SENP7: variants seen among roughly 807,000 people sequenced by gnomAD.
SENP7 encodes sentrin-specific protease 7.
In SENP7, 64 loss-of-function variants were observed where a neutral mutation model predicts 141.2. The ratio of observed to expected loss-of-function variants is 0.45; its 90% confidence interval spans 0.37 to 0.56. The LOEUF is 0.56. Among genes scored for constraint, SENP7 ranks in the 20% least tolerant of loss-of-function variants. SENP7 has a pLI of 0.00. For missense variants in SENP7, 1,025 were observed against 1,212.2 expected (o/e 0.85, Z 2.29); for synonymous variants, 382 against 426.4 (o/e 0.90, Z 1.28).
intron 4 of SENP7, among the ~76,000 whole-genome samples, chr3:101,425,970 G>GA (rs1221694580): frequency 6.6e-6 from 1 of 152,142 alleles, no homozygotes; most frequent in Non-Finnish European, 1.5e-5. Context: ...AAAAAAGAAT[G>GA]AAAAGAAACA....
At chr3:101,326,630 A>T (rs1004956219) in intron 23 of SENP7, among the ~76,000 whole-genome samples, 9 of 152,186 alleles carry the variant, frequency 5.9e-5, no homozygotes, top group African/African-American at 2.2e-4. Flanking sequence ...TTCATCTTTA[A>T]TACTGCTACA....
At chr3:101,505,205 G>A (rs1170919811) in intron 1 of SENP7, among the ~76,000 whole-genome samples, 1 of 152,178 alleles carries the variant, frequency 6.6e-6, no homozygotes, top group Admixed American at 6.5e-5. Context: ...AAGGCTAGGA[G>A]CAGTGCAGTG....
At chr3:101,453,593 AT>A (rs1379384179) in intron 4 of SENP7, among the ~76,000 whole-genome samples, 2 of 151,922 alleles carry the variant, frequency 1.3e-5, no homozygotes, top group East Asian at 3.9e-4. Flanking sequence ...GGAAACCATC[AT>A]TCTCAGTAAA....
intron 1 of SENP7, among the ~76,000 whole-genome samples, chr3:101,509,785 T>C (rs533360314): frequency 6.6e-6 from 1 of 152,360 alleles, no homozygotes; most frequent in South Asian, 2.1e-4. Flanking sequence ...AAGTTAAAAC[T>C]ATAGATTTTG....
chr3:101,370,448 C>T (rs2107424106), intron 7 of SENP7, among the ~76,000 whole-genome samples: 1 of 152,228 alleles, frequency 6.6e-6, no homozygotes, highest in South Asian at 2.1e-4. Context: ...TACCAAACTC[C>T]ATGGATCCAT....
chr3:101,366,364 A>G (rs75513564), intron 9 of SENP7, 66 bp downstream of exon 9: 98,981 of 1,231,620 alleles, frequency 0.08, 4,515 homozygotes, highest in Middle Eastern at 0.14. Context: ...TTGTTCAAGA[A>G]GAATAAAAAA....
chr3:101,445,047 G>A (rs1295373088), intron 4 of SENP7, among the ~76,000 whole-genome samples: 1 of 152,000 alleles, frequency 6.6e-6, no homozygotes, highest in Non-Finnish European at 1.5e-5. Context: ...TGCTCAAACT[G>A]TCAAAAATCA....
intron 1 of SENP7, among the ~76,000 whole-genome samples, chr3:101,502,247 C>T (rs563066291): frequency 1.7e-3 from 261 of 152,298 alleles, no homozygotes; most frequent in African/African-American, 5.9e-3. Flanking sequence ...CAGCGTATTA[C>T]CCATCTGACA....
intron 13 of SENP7, among the ~76,000 whole-genome samples, chr3:101,345,012 AAAAAAGG>A (rs2059421592): frequency 6.7e-6 from 1 of 150,284 alleles, no homozygotes; most frequent in African/African-American, 2.4e-5. Flanking sequence ...AAAAAAAAAA[AAAAAAGG>A]AGAAGAAAGA....
chr3:101,350,041 A>G (rs2107261551), intron 12 of SENP7, among the ~76,000 whole-genome samples: 1 of 152,294 alleles, frequency 6.6e-6, no homozygotes, highest in Middle Eastern at 3.4e-3. Context: ...AGAGATTGGT[A>G]GCATGTGCTC....
chr3:101,341,731 GCTTCT>G lies in SENP7; in HGVS notation c.2150_2154del (p.Gln717ProfsTer3). 1 of 1,611,650 alleles carries G rather than the reference GCTTCT, an allele frequency of 6.2e-7. No individual in the cohort carries two copies. Among genetic ancestry groups the G allele is most frequent in the Non-Finnish European group, 8.5e-7 (1 of 1,178,252 alleles). ...GAAAGGGAGTAGCAACCGCTACTTT[GCTTCT>G]GCAGGAAGGTGTAAGTAGGCTTGGC... On this transcript the variant is annotated frameshift_variant, in exon 15 of 24. Coordinates refer to ENST00000394095, the MANE Select transcript of SENP7 (RefSeq NM_020654.5). LOFTEE classifies it high-confidence loss of function.
intron 15 of SENP7, 156 bp from the exon 16 acceptor site, chr3:101,340,367 T>A (rs931788790): frequency 1.9e-4 from 174 of 903,190 alleles, no homozygotes; most frequent in Non-Finnish European, 2.1e-4. Flanking sequence ...ATATTTTCCT[T>A]CCTTTATCCT....
chr3:101,480,051 T>C (rs886731852), intron 3 of SENP7, among the ~76,000 whole-genome samples: 1 of 151,774 alleles, frequency 6.6e-6, no homozygotes, highest in Non-Finnish European at 1.5e-5. Context: ...ATGCAAGATA[T>C]ATCATGCTTA....
chr3:101,367,958 T>C lies in SENP7; in HGVS notation c.850A>G (p.Lys284Glu). 1 of 1,613,248 alleles carries C rather than the reference T, an allele frequency of 6.2e-7. No individual in the cohort carries two copies. The highest frequency in any genetic ancestry group is 8.5e-7 in the Non-Finnish European group (1 of 1,179,550). ...TTTGAATCAGAATATTTAACATCCT[T>C]GTTTCTGCTTTCCTGTTCGAGATGA... ...CDHLEQESRN[K>E]DVKYSDSKVE... is the part of the protein sequence containing the mutation. The change falls in exon 8 of 24, where the codon AAG becomes GAG. Residue 284 changes from lysine (K) to glutamate (E), a missense_variant. Lys to Glu is a moderately conservative substitution (Grantham distance 56). Transcript: ENST00000394095.
chr3:101,407,959 C>CA (rs1042079288), intron 5 of SENP7, among the ~76,000 whole-genome samples: 11 of 150,778 alleles, frequency 7.3e-5, no homozygotes, highest in East Asian at 5.8e-4. Context: ...GAAATTAAAA[C>CA]AAAAAAAATA....
intron 4 of SENP7, among the ~76,000 whole-genome samples, chr3:101,420,081 T>C (rs972555252): frequency 6.6e-6 from 1 of 152,142 alleles, no homozygotes; most frequent in African/African-American, 2.4e-5. Context: ...TTAAAAGTGA[T>C]AGGAGGCCAG....
chr3:101,464,512 G>A (rs928072385), intron 3 of SENP7, among the ~76,000 whole-genome samples: 3 of 151,986 alleles, frequency 2.0e-5, no homozygotes, highest in Non-Finnish European at 2.9e-5. Flanking sequence ...TATGAACTGT[G>A]CATATGAGTG....
intron 4 of SENP7, among the ~76,000 whole-genome samples, chr3:101,454,286 T>C (rs992966779): frequency 3.3e-5 from 5 of 152,084 alleles, no homozygotes; most frequent in Non-Finnish European, 5.9e-5. Context: ...CCAAGGTGGG[T>C]AGATCACTTG....
At chr3:101,507,766 C>T (rs1021403006) in intron 1 of SENP7, among the ~76,000 whole-genome samples, 1 of 151,944 alleles carries the variant, frequency 6.6e-6, no homozygotes, top group African/African-American at 2.4e-5. Context: ...TGGATACATT[C>T]CTGGCTGGGC....
Sources: allele counts gnomAD v4.1 joint callset (sites outside exome capture counted in the v4.1 genomes callset), GRCh38; gene constraint gnomAD v4.1.1; transcripts MANE v1.5; gene names NCBI Gene and HGNC (gene_info 2026-07-23, HGNC 2026-07-21).